Variants in EIF3J observed in about 807,000 individuals in gnomAD.
EIF3J encodes eukaryotic translation initiation factor 3, subunit 1 (alpha, 35kD).
A neutral mutation model predicts 39.0 loss-of-function variants in EIF3J; 15 were observed. That is an observed-to-expected ratio of 0.38 (90% CI 0.26 to 0.59). EIF3J has a LOEUF of 0.59. Ranked by LOEUF, EIF3J falls within the 20% of genes least tolerant of loss-of-function variation. The pLI is 0.60. For synonymous variants in EIF3J, 98 were observed against 112.9 expected (o/e 0.87, Z 0.84); for missense variants, 226 against 308.6 (o/e 0.73, Z 2.00).
At chr15:44,560,921 C>G (rs2082187864) in intron 7 of EIF3J, 97 bp from the exon 8 acceptor site, 47 of 1,496,264 alleles carry the variant, frequency 3.1e-5, no homozygotes, top group Non-Finnish European at 3.8e-5. Flanking sequence ...GTTTCTGGGA[C>G]CAAAGGTTTT....
intron 2 of EIF3J, among the ~76,000 whole-genome samples, chr15:44,540,709 G>T (rs2082008234): frequency 6.6e-6 from 1 of 152,170 alleles, no homozygotes; most frequent in Non-Finnish European, 1.5e-5. Flanking sequence ...CTAAAATGCT[G>T]GGATTATGGG....
At chr15:44,555,710 G>A (rs2082138802) in intron 5 of EIF3J, among the ~76,000 whole-genome samples, 1 of 152,094 alleles carries the variant, frequency 6.6e-6, no homozygotes, top group Non-Finnish European at 1.5e-5. Flanking sequence ...TAGACTAAAA[G>A]GTAAAAACAT....
chr15:44,549,786 A>AC, intron 2 of EIF3J, among the ~76,000 whole-genome samples: 1 of 150,236 alleles, frequency 6.7e-6, no homozygotes, highest in East Asian at 1.9e-4. Flanking sequence ...AAAAAAAAAA[A>AC]AAAACCATTT....
intron 2 of EIF3J, among the ~76,000 whole-genome samples, chr15:44,540,948 A>G (rs953082858): frequency 6.6e-6 from 1 of 152,214 alleles, no homozygotes; most frequent in African/African-American, 2.4e-5. Flanking sequence ...CTTTACTCTC[A>G]TTTAGTAGAC....
chr15:44,554,420 G>T (rs2140900026), intron 4 of EIF3J, 133 bp from the exon 5 acceptor site: 4 of 324,924 alleles, frequency 1.2e-5, no homozygotes, highest in Non-Finnish European at 5.8e-6. Context: ...TTAGAAGAAT[G>T]CCTGAAACAG....
rs1406754185 is a variant in EIF3J at position 44,562,548 on chromosome 15, A to G, written c.*1399A>G. ...AGGAACGTCAAAGCTCTGTATACCT[A>G]CTAAGTGGAAAACAAGACCATCATC... On this transcript the variant is annotated 3_prime_UTR_variant, in exon 8 of 8. Coordinates refer to ENST00000261868, the MANE Select transcript of EIF3J (RefSeq NM_003758.4). 3 of 153,364 alleles carry G rather than the reference A, an allele frequency of 2.0e-5. No homozygotes were observed. Among genetic ancestry groups the G allele is most frequent in the African/African-American group, 7.2e-5 (3 of 41,462 alleles). 9.5% of individuals were successfully genotyped at this position (153,364 alleles called of 1,614,324 possible). A position where few individuals can be genotyped will look rare whatever the true frequency, so the allele number is the denominator to read the frequency against.
chr15:44,550,970 T>A, intron 3 of EIF3J, 40 bp downstream of exon 3: 1 of 1,591,422 alleles, frequency 6.3e-7, no homozygotes, highest in East Asian at 2.2e-5. Context: ...TTTTATGTCT[T>A]GCTGAGCATT....
rs147844807 is a variant in EIF3J at position 44,550,945 on chromosome 15, C to T, written c.202+15C>T. ...AGTAAAACCAGGTGAGCCACTGGGG[C>T]GCCTCCATTTTTGTTTTTATGTCTT... On this transcript the variant is annotated intron_variant, in intron 3 of 7. Coordinates refer to ENST00000261868, the MANE Select transcript of EIF3J (RefSeq NM_003758.4). 3,973 of 1,598,618 alleles carry T rather than the reference C, an allele frequency of 2.5e-3. 94 individuals are homozygous for T. In the African/African-American group the frequency reaches 0.048, roughly 19 times the overall value.
chr15:44,556,449 C>T (rs929141727), intron 5 of EIF3J, among the ~76,000 whole-genome samples: 10 of 152,168 alleles, frequency 6.6e-5, no homozygotes, highest in Admixed American at 6.6e-4. Flanking sequence ...TCAAGCAATC[C>T]TCCCACCTCA....
intron 2 of EIF3J, among the ~76,000 whole-genome samples, chr15:44,539,625 C>G (rs1205278855): frequency 6.6e-6 from 1 of 151,480 alleles, no homozygotes. Context: ...TGGTCTCAAT[C>G]TCCTGACCTT....
rs941144907 is a variant in EIF3J, at chr15:44,537,306, G to A, written c.44-18G>A. 30 of 1,561,064 alleles carry A rather than the reference G, an allele frequency of 1.9e-5. 1 individual carries two copies. The highest frequency in any genetic ancestry group is 2.4e-5 in the Non-Finnish European group (28 of 1,153,210). On this transcript the variant is annotated intron_variant, in intron 1 of 7. Coordinates refer to ENST00000261868, the MANE Select transcript of EIF3J (RefSeq NM_003758.4). ...CCACGCAGTGGCAGGCACTAACACGGCTCGCTTTCTTCCGTAGACGCCGAC... is the reference window on the plus strand; with the variant it reads ...CCACGCAGTGGCAGGCACTAACACGACTCGCTTTCTTCCGTAGACGCCGAC...
intron 2 of EIF3J, among the ~76,000 whole-genome samples, chr15:44,540,184 G>A (rs1180860707): frequency 6.9e-6 from 1 of 144,386 alleles, no homozygotes; most frequent in Non-Finnish European, 1.5e-5. Context: ...TGATCCACCC[G>A]CCTCGGCCTC....
In EIF3J at chr15:44,537,319, C is replaced by G. The variant is rs369055468; in HGVS notation, c.44-5C>G. The stretch of plus-strand genomic sequence containing the variant: ...GGCACTAACACGGCTCGCTTTCTTC[C>G]GTAGACGCCGACGCTTTCTCCGTGG... On this transcript the variant is annotated splice_region_variant and splice_polypyrimidine_tract_variant and intron_variant, in intron 1 of 7. Transcript: ENST00000261868. 4 of 1,561,422 alleles carry G rather than the reference C, an allele frequency of 2.6e-6. No homozygotes were observed. The highest frequency in any genetic ancestry group is 2.4e-5 in the East Asian group (1 of 41,686).
Position 44,562,544 on chromosome 15 carries a change from A to T in EIF3J, c.*1395A>T, listed in dbSNP as rs2082213329. On this transcript the variant is annotated 3_prime_UTR_variant, in exon 8 of 8. Coordinates refer to ENST00000261868, the MANE Select transcript of EIF3J (RefSeq NM_003758.4). ...TAATAGGAACGTCAAAGCTCTGTAT[A>T]CCTACTAAGTGGAAAACAAGACCAT... 1 of 153,252 alleles carries T rather than the reference A, an allele frequency of 6.5e-6. No homozygotes were observed. Among genetic ancestry groups the T allele is most frequent in the Non-Finnish European group, 1.5e-5 (1 of 68,494 alleles). The allele number at this position is 153,252 out of a possible 1,614,324, so 9.5% of individuals were successfully genotyped here.
intron 4 of EIF3J, among the ~76,000 whole-genome samples, chr15:44,554,208 C>T (rs1318762233): frequency 6.6e-6 from 1 of 151,906 alleles, no homozygotes; most frequent in African/African-American, 2.4e-5. Flanking sequence ...GAAACCCCAT[C>T]ACTGCTAAAA....
intron 2 of EIF3J, among the ~76,000 whole-genome samples, chr15:44,541,486 T>C (rs948666687): frequency 6.6e-6 from 1 of 152,204 alleles, no homozygotes; most frequent in Non-Finnish European, 1.5e-5. Context: ...GAAGCCAGCC[T>C]GGGCAACATA....
chr15:44,541,674 T>G (rs1008499847), intron 2 of EIF3J, among the ~76,000 whole-genome samples: 2 of 152,238 alleles, frequency 1.3e-5, no homozygotes, highest in Admixed American at 6.5e-5. Flanking sequence ...GATCTGTATT[T>G]TACAGAATGT....
chr15:44,551,954 T>C (rs2082102459), intron 4 of EIF3J, among the ~76,000 whole-genome samples: 1 of 151,434 alleles, frequency 6.6e-6, no homozygotes, highest in African/African-American at 2.4e-5. Flanking sequence ...CTCAGCCTCC[T>C]GAGTAGCTGG....
intron 4 of EIF3J, among the ~76,000 whole-genome samples, chr15:44,552,184 C>A (rs903590668): frequency 6.6e-6 from 1 of 152,020 alleles, no homozygotes; most frequent in African/African-American, 2.4e-5. Flanking sequence ...ATTTCTGTGC[C>A]ATGTGCTATA....
Sources: gnomAD v4.1 joint callset for allele counts (sites outside exome capture counted in the v4.1 genomes callset) on GRCh38, gnomAD v4.1.1 for gene constraint, MANE v1.5 for transcripts, NCBI Gene and HGNC (gene_info 2026-07-23, HGNC 2026-07-21) for gene names.